Variants in MICU3 observed in about 807,000 individuals in gnomAD.
The protein encoded by MICU3 is mitochondrial calcium uptake 3.
Under a neutral mutation model 66.5 loss-of-function variants are expected in MICU3, and 62 were observed. That is an observed-to-expected ratio of 0.93 (90% CI 0.76 to 1.15). The LOEUF (loss-of-function observed/expected upper bound fraction) is 1.15, where lower values mean the gene tolerates loss of function less well. MICU3 is among the 50% of genes most tolerant of loss of function. MICU3 has a pLI of 0.00. For missense variants in MICU3, 779 were observed against 664.4 expected (o/e 1.17, Z -1.90); for synonymous variants, 308 against 240.7 (o/e 1.28, Z -2.59).
chr8:17,051,665 A>G (rs1363037596), intron 1 of MICU3, among the ~76,000 whole-genome samples: 1 of 152,200 alleles, frequency 6.6e-6, no homozygotes, highest in Non-Finnish European at 1.5e-5. Flanking sequence ...TGAGCCACCA[A>G]CTGTGTCAAA....
Position 17,042,962 on chromosome 8 carries a change from C to T in MICU3, c.381+15302C>T, listed in dbSNP as rs1388720922. Among the ~76,000 whole-genome samples the T allele has an allele frequency of 2.1e-4, 16 of 74,904 alleles. No individual in the cohort carries two copies. The East Asian group carries it at 2.6e-3, about 12-fold the overall frequency. 49.1% of individuals were successfully genotyped at this position (74,904 alleles called of 152,430 possible). A position where few individuals can be genotyped will look rare whatever the true frequency, so the allele number is the denominator to read the frequency against. On this transcript the variant is annotated intron_variant, in intron 1 of 14. Coordinates refer to ENST00000318063, the MANE Select transcript of MICU3 (RefSeq NM_181723.3). The stretch of plus-strand genomic sequence containing the variant: ...TTTTTTTTTTTTTTTTTTTTTGAGA[C>T]GGAGTCTCACTCTTTCGCCCAAGCT...
chr8:17,111,132 G>A lies in MICU3; in HGVS notation c.1258-2961G>A, dbSNP rs144684710. ...TTCAGCATCTTTTTATATGCTTATT[G>A]GCCATTTCTTTGGAGAAATGATTTT... On this transcript the variant is annotated intron_variant, in intron 11 of 14. Coordinates refer to ENST00000318063, the MANE Select transcript of MICU3 (RefSeq NM_181723.3). Among the ~76,000 whole-genome samples the A allele has an allele frequency of 6.4e-3, 977 of 151,900 alleles. 7 individuals are homozygous for A. The highest frequency in any genetic ancestry group is 0.01 in the Middle Eastern group (3 of 292).
rs139877027 is a variant in MICU3, at chr8:17,081,756, G to A, written c.694+16G>A. ...ATTTTAACAAGTAAGTATACTTATT[G>A]CTTTTATTTCTGGATGCAGCTTTAT... On this transcript the variant is annotated intron_variant, in intron 5 of 14. Coordinates refer to ENST00000318063, the MANE Select transcript of MICU3 (RefSeq NM_181723.3). 634 of 921,294 alleles carry A rather than the reference G, an allele frequency of 6.9e-4. 3 individuals are homozygous for A. The highest frequency in any genetic ancestry group is 7.9e-5 in the Non-Finnish European group (47 of 597,416). 57.1% of individuals were successfully genotyped at this position (921,294 alleles called of 1,614,324 possible). A position where few individuals can be genotyped will look rare whatever the true frequency, so the allele number is the denominator to read the frequency against.
chr8:17,100,392 G>A (rs73194732), intron 9 of MICU3, among the ~76,000 whole-genome samples: 27,807 of 151,596 alleles, frequency 0.18, 2,820 homozygotes, highest in African/African-American at 0.25. Flanking sequence ...TCGTGTTCCA[G>A]AGTAAAATAA....
intron 10 of MICU3, 118 bp downstream of exon 10, chr8:17,104,609 T>A (rs1801570045): frequency 6.7e-6 from 3 of 449,334 alleles, no homozygotes; most frequent in African/African-American, 4.0e-5. Flanking sequence ...TTAAATAAGA[T>A]CCTCTGTATA....
chr8:17,067,538 T>C (rs965399153), intron 2 of MICU3, among the ~76,000 whole-genome samples: 1 of 152,060 alleles, frequency 6.6e-6, no homozygotes, highest in African/African-American at 2.4e-5. Flanking sequence ...CAAGTGATTC[T>C]CCTGCCTCAG....
At chr8:17,104,994 C>CAA (rs746149322) in intron 10 of MICU3, among the ~76,000 whole-genome samples, 1,206 of 8,670 alleles carry the variant, frequency 0.14, 316 homozygotes, top group Middle Eastern at 0.2. Flanking sequence ...GACTCCGTCT[C>CAA]AAAAAAAAAA....
the MICU3 span, among the ~76,000 whole-genome samples, chr8:17,136,627 C>T: frequency 6.6e-6 from 1 of 152,178 alleles, no homozygotes; most frequent in East Asian, 1.9e-4. Flanking sequence ...TTGCCAAGGG[C>T]CTCACCCTCC....
intron 1 of MICU3, among the ~76,000 whole-genome samples, chr8:17,045,935 C>G (rs1440483869): frequency 6.6e-6 from 1 of 152,160 alleles, no homozygotes; most frequent in Non-Finnish European, 1.5e-5. Flanking sequence ...CATTGGGTCC[C>G]TCCCGTGACA....
At chr8:17,113,460 C>T (rs572934622) in intron 11 of MICU3, among the ~76,000 whole-genome samples, 2 of 152,328 alleles carry the variant, frequency 1.3e-5, no homozygotes, top group South Asian at 2.1e-4. Context: ...CAGAAGAGGC[C>T]ACCCTGACCA....
chr8:17,099,221 T>C (rs1364801671), intron 9 of MICU3, among the ~76,000 whole-genome samples: 1 of 151,750 alleles, frequency 6.6e-6, no homozygotes. Context: ...AAAACTGTTT[T>C]GTGTTTCTTA....
At chr8:17,115,567 A>G (rs1053808131) in intron 12 of MICU3, among the ~76,000 whole-genome samples, 5 of 152,194 alleles carry the variant, frequency 3.3e-5, no homozygotes, top group African/African-American at 4.8e-5. Context: ...TGCCATCACA[A>G]GTATCTTTAT....
chr8:17,069,315 T>C (rs917966071), intron 2 of MICU3, among the ~76,000 whole-genome samples: 1 of 152,188 alleles, frequency 6.6e-6, no homozygotes, highest in African/African-American at 2.4e-5. Flanking sequence ...TTATCTATGT[T>C]AATGTTATTT....
At chr8:17,109,255 T>C (rs1175144159) in intron 11 of MICU3, among the ~76,000 whole-genome samples, 1 of 152,144 alleles carries the variant, frequency 6.6e-6, no homozygotes, top group Non-Finnish European at 1.5e-5. Context: ...ATATATATTA[T>C]GTTGAACTCT....
At chr8:17,072,233 G>C (rs1372638140) in intron 3 of MICU3, among the ~76,000 whole-genome samples, 1 of 152,048 alleles carries the variant, frequency 6.6e-6, no homozygotes, top group Non-Finnish European at 1.5e-5. Context: ...ATAGAATATA[G>C]AATCCAGAAA....
intron 2 of MICU3, among the ~76,000 whole-genome samples, chr8:17,067,549 C>A (rs775164983): frequency 2.6e-5 from 4 of 152,058 alleles, no homozygotes; most frequent in Non-Finnish European, 5.9e-5. Context: ...CCTGCCTCAG[C>A]CTCCTGAATA....
chr8:17,101,224 G>A (rs1801227738), intron 9 of MICU3, among the ~76,000 whole-genome samples: 1 of 151,570 alleles, frequency 6.6e-6, no homozygotes, highest in Non-Finnish European at 1.5e-5. Flanking sequence ...GTTCTTTGGT[G>A]GCTTTTTCTC....
At chr8:17,077,562 A>C (rs976278429) in intron 3 of MICU3, among the ~76,000 whole-genome samples, 1 of 152,144 alleles carries the variant, frequency 6.6e-6, no homozygotes, top group African/African-American at 2.4e-5. Flanking sequence ...GTTAGCTCTA[A>C]TTAAATTTAA....
At chr8:17,138,049 T>C in the MICU3 span, among the ~76,000 whole-genome samples, 1 of 152,018 alleles carries the variant, frequency 6.6e-6, no homozygotes, top group African/African-American at 2.4e-5. Flanking sequence ...GAAGTGGATT[T>C]TGATTTTCTC....
Sources: allele counts gnomAD v4.1 joint callset (sites outside exome capture counted in the v4.1 genomes callset), GRCh38; gene constraint gnomAD v4.1.1; transcripts MANE v1.5; gene names NCBI Gene and HGNC (gene_info 2026-07-23, HGNC 2026-07-21).